Variants in TYW1B observed in about 807,000 individuals in gnomAD.
TYW1B encodes tRNA-yW synthesizing protein 1 homolog B, also known as S-adenosyl-L-methionine-dependent tRNA 4-demethylwyosine synthase TYW1B.
A neutral mutation model predicts 86.9 loss-of-function variants in TYW1B; 73 were observed. The ratio of observed to expected loss-of-function variants is 0.84; its 90% CI spans 0.70 to 1.02. TYW1B has a LOEUF of 1.02. Among genes scored for constraint, TYW1B ranks in the 50% least tolerant of loss-of-function variants. The probability of loss-of-function intolerance (pLI) is 0.00; values close to 1 mark genes in which losing one functional copy is unlikely to be tolerated. For synonymous variants in TYW1B, 248 were observed against 292.8 expected (o/e 0.85, Z 1.56); for missense variants, 637 against 827.4 (o/e 0.77, Z 2.82).
intron 13 of TYW1B, among the ~76,000 whole-genome samples, chr7:72,603,322 TGATG>T (rs34898249): frequency 0.23 from 30,976 of 137,638 alleles, 3,593 homozygotes; most frequent in East Asian, 0.55. Context: ...GACAGATAGA[TGATG>T]GATGGATGGA....
At chr7:72,785,589 C>G (rs781792058) in intron 6 of TYW1B, among the ~76,000 whole-genome samples, 37 of 151,950 alleles carry the variant, frequency 2.4e-4, no homozygotes, top group Middle Eastern at 6.8e-3. Context: ...AACAGAAGCA[C>G]AGAGGGGTAA....
intron 13 of TYW1B, among the ~76,000 whole-genome samples, chr7:72,594,036 C>G (rs1239468461): frequency 1.3e-5 from 2 of 151,678 alleles, no homozygotes; most frequent in Admixed American, 1.3e-4. Flanking sequence ...AAGGTAAAAA[C>G]TTATAGCTAT....
chr7:72,609,172 T>C (rs1811871916), intron 13 of TYW1B, among the ~76,000 whole-genome samples: 1 of 152,220 alleles, frequency 6.6e-6, no homozygotes, highest in South Asian at 2.1e-4. Flanking sequence ...CAGTTTTCTT[T>C]TGTGGCTGTC....
chr7:72,626,920 G>A (rs1812362115), intron 12 of TYW1B, among the ~76,000 whole-genome samples: 1 of 151,610 alleles, frequency 6.6e-6, no homozygotes, highest in Non-Finnish European at 1.5e-5. Flanking sequence ...CCCTTTCCTA[G>A]TGCACCTATA....
intron 10 of TYW1B, among the ~76,000 whole-genome samples, chr7:72,703,270 C>T (rs1472499121): frequency 5.3e-5 from 8 of 151,004 alleles, no homozygotes; most frequent in Non-Finnish European, 8.8e-5. Flanking sequence ...ATGATCTGCC[C>T]GCCTCGGCCT....
intron 11 of TYW1B, among the ~76,000 whole-genome samples, chr7:72,646,111 A>G (rs555927559): frequency 2.6e-5 from 4 of 151,852 alleles, no homozygotes; most frequent in African/African-American, 9.6e-5. Context: ...CAGTGGCACA[A>G]TCATAGCTCA....
At chr7:72,665,256 T>C (rs1374786945) in intron 11 of TYW1B, among the ~76,000 whole-genome samples, 2 of 152,232 alleles carry the variant, frequency 1.3e-5, no homozygotes, top group Non-Finnish European at 2.9e-5. Context: ...AAATGAAGGC[T>C]GGAATGCCAA....
At chr7:72,736,377 G>T (rs1787197335) in intron 8 of TYW1B, among the ~76,000 whole-genome samples, 1 of 152,172 alleles carries the variant, frequency 6.6e-6, no homozygotes, top group African/African-American at 2.4e-5. Context: ...CCAAATTGTG[G>T]GAGCTAAGAA....
At chr7:72,789,728 C>G (rs1330892538) in intron 6 of TYW1B, among the ~76,000 whole-genome samples, 5 of 151,952 alleles carry the variant, frequency 3.3e-5, no homozygotes, top group African/African-American at 1.2e-4. Flanking sequence ...CCTCCCACCT[C>G]AGGCTCCCAA....
intron 6 of TYW1B, among the ~76,000 whole-genome samples, chr7:72,778,713 G>C (rs1232162814): frequency 2.0e-5 from 3 of 152,100 alleles, no homozygotes; most frequent in African/African-American, 7.2e-5. Context: ...TCCTATGCAG[G>C]ATATTTTTCT....
At chr7:72,641,048 T>C (rs1342629645) in intron 11 of TYW1B, among the ~76,000 whole-genome samples, 1 of 151,976 alleles carries the variant, frequency 6.6e-6, no homozygotes, top group East Asian at 1.9e-4. Context: ...AAGACACAGA[T>C]AACTAAAATC....
intron 13 of TYW1B, among the ~76,000 whole-genome samples, chr7:72,601,161 T>A (rs145683967): frequency 2.8e-5 from 4 of 145,072 alleles, no homozygotes; most frequent in South Asian, 2.2e-4. Context: ...AAAAAAAAAA[T>A]AAAAATAAAC....
At chr7:72,617,700 G>T (rs1454910877) in intron 12 of TYW1B, among the ~76,000 whole-genome samples, 9 of 152,168 alleles carry the variant, frequency 5.9e-5, no homozygotes, top group African/African-American at 2.2e-4. Flanking sequence ...ATTTTGTAAT[G>T]CACTTTGAAT....
intron 10 of TYW1B, among the ~76,000 whole-genome samples, chr7:72,710,985 C>A (rs1786649720): frequency 6.6e-6 from 1 of 152,150 alleles, no homozygotes; most frequent in African/African-American, 2.4e-5. Context: ...AGTTCCACCT[C>A]CCTTTCTAGC....
intron 13 of TYW1B, among the ~76,000 whole-genome samples, chr7:72,599,208 C>T (rs1435389785): frequency 2.0e-5 from 3 of 152,036 alleles, no homozygotes; most frequent in African/African-American, 7.2e-5. Context: ...GGACTTATTC[C>T]AGGTATGGAA....
chr7:72,807,104 A>C lies in TYW1B; in HGVS notation c.685T>G (p.Ser229Ala). The C allele has an allele frequency of 1.9e-6, 3 of 1,614,090 alleles. No individual in the cohort carries two copies. Among genetic ancestry groups the C allele is most frequent in the East Asian group, 2.2e-5 (1 of 44,880 alleles). ...QHGSEEREEG[S>A]QEQDELHHRD... ...TGATGCAATTCGTCCTGCTCTTGAG[A>C]TCCTTCCTCCCTCTCCTCTGAGCCA... The change falls in exon 5 of 14, where the codon TCT becomes GCT. Residue 229 changes from serine (S) to alanine (A), a missense_variant. Transcript: ENST00000620995.
chr7:72,666,069 T>C (rs1813455117), intron 11 of TYW1B, among the ~76,000 whole-genome samples: 1 of 152,086 alleles, frequency 6.6e-6, no homozygotes, highest in Non-Finnish European at 1.5e-5. Flanking sequence ...TGATTATAAC[T>C]ATGAACCCCA....
chr7:72,672,890 C>T (rs1276446810), intron 11 of TYW1B, among the ~76,000 whole-genome samples: 7 of 152,200 alleles, frequency 4.6e-5, no homozygotes, highest in African/African-American at 9.7e-5. Flanking sequence ...ATAAATAGGC[C>T]GGGCATGGTG....
intron 11 of TYW1B, among the ~76,000 whole-genome samples, chr7:72,675,921 C>A (rs1813725069): frequency 6.6e-6 from 1 of 151,996 alleles, no homozygotes; most frequent in Non-Finnish European, 1.5e-5. Context: ...CATACGCTAA[C>A]CCATGAAAAT....
Sources: gnomAD v4.1 joint callset for allele counts (sites outside exome capture counted in the v4.1 genomes callset) on GRCh38, gnomAD v4.1.1 for gene constraint, MANE v1.5 for transcripts, NCBI Gene and HGNC (gene_info 2026-07-23, HGNC 2026-07-21) for gene names.